The following ADGRB3 variants were observed in gnomAD, a reference collection of about 807,000 sequenced individuals.
ADGRB3 encodes the protein adhesion G protein-coupled receptor B3.
Under a neutral mutation model 193.4 loss-of-function variants are expected in ADGRB3, and 37 were observed. The ratio of observed to expected loss-of-function variants is 0.19; its 90% confidence interval spans 0.15 to 0.25. The LOEUF is 0.25. Ranked by LOEUF, ADGRB3 falls within the 10% of genes least tolerant of loss-of-function variation. The pLI, the probability that ADGRB3 is intolerant of heterozygous loss-of-function variation, is 1.00. For missense variants in ADGRB3, 1,637 were observed against 1,852.9 expected, an observed-to-expected ratio of 0.88 and a Z score of 2.14; for synonymous variants, 690 against 644.2, an observed-to-expected ratio of 1.07 and a Z score of -1.08.
chr6:69,022,316 T>A (rs925705827), intron 13 of ADGRB3, among the ~76,000 whole-genome samples: 6 of 151,852 alleles, frequency 4.0e-5, no homozygotes, highest in Admixed American at 6.6e-5. Flanking sequence ...TCAATAATTT[T>A]AAAAATGTAT....
intron 17 of ADGRB3, among the ~76,000 whole-genome samples, chr6:69,210,216 A>G (rs1414746952): frequency 7.2e-6 from 1 of 138,852 alleles, no homozygotes; most frequent in African/African-American, 2.8e-5. Flanking sequence ...AGGTCCCACA[A>G]TAGGTCATCT....
chr6:69,089,289 T>C (rs1201805280), intron 17 of ADGRB3, among the ~76,000 whole-genome samples: 2 of 152,230 alleles, frequency 1.3e-5, no homozygotes, highest in Admixed American at 6.5e-5. Flanking sequence ...ACATGAGATA[T>C]ATATTGAGAC....
At chr6:68,879,508 G>A (rs567880179) in intron 3 of ADGRB3, among the ~76,000 whole-genome samples, 23 of 152,170 alleles carry the variant, frequency 1.5e-4, no homozygotes, top group African/African-American at 5.1e-4. Flanking sequence ...GATTACAGGC[G>A]TGAGCCACCG....
intron 20 of ADGRB3, among the ~76,000 whole-genome samples, chr6:69,290,435 C>T (rs558020312): frequency 6.7e-6 from 1 of 149,650 alleles, no homozygotes; most frequent in Non-Finnish European, 1.5e-5. Flanking sequence ...GAGTTTGGAG[C>T]GGGGAGAAAT....
intron 3 of ADGRB3, among the ~76,000 whole-genome samples, chr6:68,728,674 T>C (rs1187220633): frequency 6.6e-6 from 1 of 151,610 alleles, no homozygotes; most frequent in Non-Finnish European, 1.5e-5. Context: ...ATAACATCCT[T>C]ATGATGTAGG....
intron 3 of ADGRB3, among the ~76,000 whole-genome samples, chr6:68,756,806 T>C (rs760711486): frequency 3.9e-5 from 6 of 152,194 alleles, no homozygotes; most frequent in African/African-American, 7.2e-5. Context: ...TTTACATTTA[T>C]GGAGTGATTA....
intron 17 of ADGRB3, among the ~76,000 whole-genome samples, chr6:69,088,058 A>G (rs1161635870): frequency 6.6e-6 from 1 of 152,182 alleles, no homozygotes; most frequent in Admixed American, 6.5e-5. Context: ...TGGTTTTCTC[A>G]GGGAGGTCTC....
At chr6:69,066,058 C>G (rs1203486368) in intron 16 of ADGRB3, among the ~76,000 whole-genome samples, 2 of 151,584 alleles carry the variant, frequency 1.3e-5, no homozygotes, top group Admixed American at 6.6e-5. Flanking sequence ...ACTTGAGCAT[C>G]CATGGATTTT....
rs144979368 is a variant in ADGRB3 at position 69,360,816 on chromosome 6, A to C, written c.3596-53A>C. The C allele has an allele frequency of 5.5e-4, 811 of 1,482,948 alleles. 3 individuals are homozygous for C. In the African/African-American group the frequency reaches 0.01, roughly 19 times the overall value. The allele number at this position is 1,482,948 out of a possible 1,614,324, so 91.9% of individuals were successfully genotyped here. On this transcript the variant is annotated intron_variant, in intron 28 of 31. Transcript: ENST00000370598. ...AGCGAGACAACATAATATAATAATG[A>C]AAAATAAACACACATTAACTCTCTT...
chr6:69,049,044 T>A (rs2150302182), intron 14 of ADGRB3, among the ~76,000 whole-genome samples: 1 of 152,228 alleles, frequency 6.6e-6, no homozygotes, highest in East Asian at 1.9e-4. Context: ...TAAGGCAGCT[T>A]CTTGTCTCAA....
intron 17 of ADGRB3, among the ~76,000 whole-genome samples, chr6:69,104,036 AT>A (rs1013724333): frequency 2.3e-3 from 344 of 151,424 alleles, no homozygotes; most frequent in Non-Finnish European, 2.5e-3. Flanking sequence ...TTAGTTTTTA[AT>A]TTTTTTTTAT....
At chr6:69,220,289 A>G (rs529644301) in intron 17 of ADGRB3, among the ~76,000 whole-genome samples, 3 of 152,280 alleles carry the variant, frequency 2.0e-5, no homozygotes, top group South Asian at 4.1e-4. Context: ...TTAAATTACA[A>G]GTATTATCCA....
intron 20 of ADGRB3, among the ~76,000 whole-genome samples, chr6:69,294,383 G>T (rs1373531247): frequency 2.0e-5 from 3 of 152,000 alleles, no homozygotes; most frequent in African/African-American, 7.3e-5. Context: ...ACCTAAATTT[G>T]CATGTGGAGT....
chr6:68,767,199 T>G (rs1407330420), intron 3 of ADGRB3, among the ~76,000 whole-genome samples: 2 of 152,162 alleles, frequency 1.3e-5, no homozygotes, highest in Non-Finnish European at 2.9e-5. Context: ...AAATCAATTT[T>G]TTAAGTTTTG....
intron 16 of ADGRB3, among the ~76,000 whole-genome samples, chr6:69,075,211 A>T (rs1772193152): frequency 1.3e-5 from 2 of 152,200 alleles, no homozygotes; most frequent in African/African-American, 2.4e-5. Context: ...GAAATTAGTC[A>T]TGTGGAGGAT....
chr6:68,855,013 A>G (rs1383607921), intron 3 of ADGRB3, among the ~76,000 whole-genome samples: 1 of 152,158 alleles, frequency 6.6e-6, no homozygotes, highest in Non-Finnish European at 1.5e-5. Context: ...GTCTTTGCCT[A>G]AGGAGTCAGA....
intron 16 of ADGRB3, 26 bp from the exon 17 acceptor site, chr6:69,075,969 G>T: frequency 6.3e-7 from 1 of 1,582,000 alleles, no homozygotes; most frequent in South Asian, 1.1e-5. Context: ...CAAGATATAT[G>T]CATTCTTTCT....
chr6:69,371,599 A>G (rs1172777301), intron 29 of ADGRB3, among the ~76,000 whole-genome samples: 5 of 152,156 alleles, frequency 3.3e-5, no homozygotes, highest in Admixed American at 3.3e-4. Flanking sequence ...TTTGCTAAGA[A>G]TACTTTATAC....
chr6:69,267,047 G>A (rs934719547), intron 20 of ADGRB3, among the ~76,000 whole-genome samples: 5 of 151,972 alleles, frequency 3.3e-5, no homozygotes, highest in African/African-American at 1.2e-4. Context: ...GTTTTTATTA[G>A]GCATACAAGC....
Sources: gnomAD v4.1 joint callset for allele counts (sites outside exome capture counted in the v4.1 genomes callset) on GRCh38, gnomAD v4.1.1 for gene constraint, MANE v1.5 for transcripts, NCBI Gene and HGNC (gene_info 2026-07-23, HGNC 2026-07-21) for gene names.